HTR2A: variants seen among roughly 807,000 people sequenced by gnomAD.
HTR2A encodes 5-HT2 receptor.
A neutral mutation model predicts 31.0 loss-of-function variants in HTR2A; 14 were observed. The observed-to-expected ratio is 0.45, with a 90% CI of 0.30 to 0.71. The LOEUF (loss-of-function observed/expected upper bound fraction) is 0.71, where lower values mean the gene tolerates loss of function less well. Ranked by LOEUF, HTR2A falls within the 30% of genes least tolerant of loss-of-function variation. The pLI is 0.09. For synonymous variants in HTR2A, 209 were observed against 225.2 expected (o/e 0.93, Z 0.64); for missense variants, 442 against 573.3 (o/e 0.77, Z 2.34).
At chr13:46,862,291 A>C (rs1950785537) in intron 3 of HTR2A, among the ~76,000 whole-genome samples, 1 of 152,204 alleles carries the variant, frequency 6.6e-6, no homozygotes, top group Non-Finnish European at 1.5e-5. Flanking sequence ...AAAGCAAGTA[A>C]TTCCTTTTAA....
rs1160036612 is a variant in HTR2A, at chr13:46,850,125, A to G, written c.614-14486T>C. On this transcript the variant is annotated intron_variant, in intron 3 of 3. Coordinates refer to ENST00000542664, the MANE Select transcript of HTR2A (RefSeq NM_000621.5). Reference sequence around the variant, plus strand: ...GTAGGGCTTTATAGAAGTTGAAGGTAAAGCTAGTTAATTTGAGGACTTTCC... The same window carrying G: ...GTAGGGCTTTATAGAAGTTGAAGGTGAAGCTAGTTAATTTGAGGACTTTCC... Among the ~76,000 whole-genome samples, 4 of 152,208 alleles carry G rather than the reference A, an allele frequency of 2.6e-5. No individual in the cohort carries two copies. In the East Asian group the frequency reaches 7.7e-4, roughly 29 times the overall value.
At chr13:46,842,444 G>A (rs2138189908) in intron 3 of HTR2A, among the ~76,000 whole-genome samples, 1 of 152,284 alleles carries the variant, frequency 6.6e-6, no homozygotes, top group East Asian at 1.9e-4. Context: ...GGTCTAGAAG[G>A]TGTGGGGAGA....
rs1202356450 is a variant in HTR2A, at chr13:46,896,848, A to G, written c.-503T>C. 1 of 1,536,506 alleles carries G rather than the reference A, an allele frequency of 6.5e-7. No individual in the cohort carries two copies. The highest frequency in any genetic ancestry group is 1.4e-5 in the African/African-American group (1 of 73,138). ...AAAAACTGCATGCAAGAGCTGAGCC[A>G]GCTCCCGCACTGCTAGGATCCTGTT... On this transcript the variant is annotated 5_prime_UTR_variant, in exon 1 of 4. Transcript: ENST00000542664.
At chr13:46,897,087 A>G (rs1160350753), upstream of HTR2A, 1 of 450,014 alleles carries the variant, frequency 2.2e-6, no homozygotes, top group Non-Finnish European at 3.9e-6. Flanking sequence ...ACCTCCCTCT[A>G]TGTGTATGTC....
At chr13:46,885,264 A>G (rs147702724) in intron 3 of HTR2A, among the ~76,000 whole-genome samples, 185 of 152,290 alleles carry the variant, frequency 1.2e-3, no homozygotes, top group Non-Finnish European at 2.2e-3. Flanking sequence ...CAGTGTGGAT[A>G]TGCTGGACAA....
chr13:46,859,901 C>A lies in HTR2A; in HGVS notation c.614-24262G>T, dbSNP rs753309926. Reference sequence around the variant, plus strand: ...GCTTTATGCCCTGGCCTATCATCACCATCCTATAAATACTAATTAAGTTCA... The same window carrying A: ...GCTTTATGCCCTGGCCTATCATCACAATCCTATAAATACTAATTAAGTTCA... On this transcript the variant is annotated intron_variant, in intron 3 of 3. Coordinates refer to ENST00000542664, the MANE Select transcript of HTR2A (RefSeq NM_000621.5). 9.9e-4 allele frequency among the ~76,000 whole-genome samples: 151 copies of A among 152,286 alleles called. 1 individual carries two copies. The highest frequency in any genetic ancestry group is 7.2e-4 in the Admixed American group (11 of 15,302).
chr13:46,892,673 T>C (rs1951063448), intron 2 of HTR2A, 83 bp from the exon 3 acceptor site: 1 of 1,197,502 alleles, frequency 8.4e-7, no homozygotes, highest in Non-Finnish European at 1.2e-6. Context: ...AATTTCCAGC[T>C]CTGGGACAGG....
chr13:46,865,220 G>A (rs1950809931), intron 3 of HTR2A, among the ~76,000 whole-genome samples: 1 of 152,096 alleles, frequency 6.6e-6, no homozygotes, highest in Non-Finnish European at 1.5e-5. Context: ...ATTTAAATTA[G>A]AGGATTAATT....
chr13:46,876,469 G>T (rs1342248996), intron 3 of HTR2A, among the ~76,000 whole-genome samples: 1 of 142,004 alleles, frequency 7.0e-6, no homozygotes, highest in Non-Finnish European at 1.5e-5. Context: ...GAGTGCAGTG[G>T]CGCAATCTCA....
intron 3 of HTR2A, among the ~76,000 whole-genome samples, chr13:46,854,612 C>A (rs919355731): frequency 6.6e-6 from 1 of 152,148 alleles, no homozygotes; most frequent in Admixed American, 6.5e-5. Flanking sequence ...TTATCCCCAG[C>A]CCTGGCTCTG....
chr13:46,879,841 C>T (rs371853046), intron 3 of HTR2A, among the ~76,000 whole-genome samples: 2 of 151,766 alleles, frequency 1.3e-5, no homozygotes, highest in Non-Finnish European at 2.9e-5. Context: ...CCCATCTTTA[C>T]AAAAAATACA....
chr13:46,882,804 A>T (rs924560565), intron 3 of HTR2A, among the ~76,000 whole-genome samples: 18 of 152,262 alleles, frequency 1.2e-4, no homozygotes, highest in Non-Finnish European at 2.4e-4. Context: ...CTTTAACCTC[A>T]TAAAGACAGA....
At chr13:46,837,910 T>G (rs1396267181) in intron 3 of HTR2A, among the ~76,000 whole-genome samples, 2 of 152,238 alleles carry the variant, frequency 1.3e-5, no homozygotes, top group African/African-American at 4.8e-5. Context: ...TGGAGATAAA[T>G]GACATCAGAG....
At chr13:46,868,017 T>C (rs1950832384) in intron 3 of HTR2A, among the ~76,000 whole-genome samples, 2 of 147,640 alleles carry the variant, frequency 1.4e-5, no homozygotes, top group South Asian at 2.3e-4. Flanking sequence ...CCAGCACCAC[T>C]GCAAAGAGAC....
At chr13:46,870,985 G>C (rs1691635172) in intron 3 of HTR2A, among the ~76,000 whole-genome samples, 1 of 152,160 alleles carries the variant, frequency 6.6e-6, no homozygotes, top group Non-Finnish European at 1.5e-5. Flanking sequence ...GCTGACAAAA[G>C]CCAGACAGTA....
chr13:46,886,227 A>G (rs991739017), intron 3 of HTR2A, among the ~76,000 whole-genome samples: 7 of 152,216 alleles, frequency 4.6e-5, no homozygotes, highest in African/African-American at 1.7e-4. Flanking sequence ...TAGATATATT[A>G]ATAGAAATAA....
Position 46,835,532 on chromosome 13 carries a change from CA to C in HTR2A, c.720del (p.Phe240LeufsTer8), listed in dbSNP as rs1876420917. 2.5e-6 allele frequency: 4 copies of C among 1,614,042 alleles called. No homozygotes were observed. The highest frequency in any genetic ancestry group is 3.4e-6 in the Non-Finnish European group (4 of 1,179,952). ...ADDNFVLIGS[F>X]VSFFIPLTIM... ...ATGGTTAAGGGAATGAAAAATGACA[CA>C]AAAGAGCCGATCAGGACAAAGTTAT... On this transcript the variant is annotated frameshift_variant, in exon 4 of 4. Transcript: ENST00000542664. LOFTEE classifies it high-confidence loss of function.
Position 46,835,474 on chromosome 13 carries a change from G to A in HTR2A, c.779C>T (p.Ser260Leu). 2 of 1,614,060 alleles carry A rather than the reference G, an allele frequency of 1.2e-6. No individual in the cohort carries two copies. The highest frequency in any genetic ancestry group is 2.2e-5 in the East Asian group (1 of 44,882). Residue 260 changes from serine to leucine, a missense_variant, in exon 4 of 4, where the codon TCA (serine) becomes TTA (leucine). Ser to Leu is a moderately radical substitution (Grantham distance 145). Transcript: ENST00000542664. ...ACACAAAGTAGCTTCTTTCTGGAGT[G>A]ACTTGATAGTTAGAAAGTAGGTGAT... is the stretch of plus-strand genomic sequence containing the variant. ...MVITYFLTIK[S>L]LQKEATLCVS... is the part of the protein sequence containing the mutation.
At chr13:46,871,472 C>A (rs1593438276) in intron 3 of HTR2A, among the ~76,000 whole-genome samples, 1 of 152,288 alleles carries the variant, frequency 6.6e-6, no homozygotes, top group East Asian at 1.9e-4. Context: ...AGGCTGCTAA[C>A]TAATCAGTTT....
Sources: gnomAD v4.1 joint callset for allele counts (sites outside exome capture counted in the v4.1 genomes callset) on GRCh38, gnomAD v4.1.1 for gene constraint, MANE v1.5 for transcripts, NCBI Gene and HGNC (gene_info 2026-07-23, HGNC 2026-07-21) for gene names.